TMEM201: variants seen among roughly 807,000 people sequenced by gnomAD.
TMEM201 encodes the protein RP13-15M17.2.
A neutral mutation model predicts 63.4 loss-of-function variants in TMEM201; 26 were observed. The observed-to-expected ratio is 0.41, with a 90% CI of 0.30 to 0.57. The LOEUF is 0.57. Ranked by LOEUF, TMEM201 falls within the 20% of genes least tolerant of loss-of-function variation. The pLI is 0.29. For synonymous variants in TMEM201, 417 were observed against 421.6 expected (o/e 0.99, Z 0.14); for missense variants, 794 against 917.7 (o/e 0.87, Z 1.74).
chr1:9,611,162 C>A, intron 9 of TMEM201: 1 of 855,940 alleles, frequency 1.2e-6, no homozygotes, highest in Non-Finnish European at 1.6e-6. Flanking sequence ...CCTTTAAAAC[C>A]TACAACTTTC....
intron 1 of TMEM201, among the ~76,000 whole-genome samples, chr1:9,590,238 C>T (rs1226069184): frequency 6.6e-6 from 1 of 152,136 alleles, no homozygotes; most frequent in Admixed American, 6.5e-5. Context: ...TGAGCATCTG[C>T]AGGACCAGCT....
chr1:9,612,480 C>T (rs955425032), intron 10 of TMEM201, among the ~76,000 whole-genome samples: 1 of 152,224 alleles, frequency 6.6e-6, no homozygotes, highest in Non-Finnish European at 1.5e-5. Flanking sequence ...GACAGATCAG[C>T]AAGCAGGGCT....
Position 9,589,009 on chromosome 1 carries a change from G to A in TMEM201, c.79G>A (p.Ala27Thr). Residue 27 changes from alanine to threonine, a missense_variant, in exon 1 of 11, where the codon GCG (alanine) becomes ACG (threonine). By Grantham distance (58) the Ala-to-Thr change is moderately conservative. Coordinates refer to ENST00000340381, the MANE Select transcript of TMEM201 (RefSeq NM_001130924.3). ...CGGCCTGGGGGTCACGGCGTGCGCC[G>A]CGGCCGGCGTGTTGCTCTACCGGAT... is the stretch of plus-strand genomic sequence containing the variant. Reference protein sequence around the residue: ...AGGLGVTACAAAGVLLYRIAR... With the variant: ...AGGLGVTACATAGVLLYRIAR... 3 of 1,176,600 alleles carry A rather than the reference G, an allele frequency of 2.5e-6. No homozygotes were observed. The highest frequency in any genetic ancestry group is 1.1e-6 in the Non-Finnish European group (1 of 946,882). The allele number at this position is 1,176,600 out of a possible 1,614,324, so 72.9% of individuals were successfully genotyped here. A position where few individuals can be genotyped will look rare whatever the true frequency, so the allele number is the denominator to read the frequency against.
At position 9,604,828 on chromosome 1, in the gene TMEM201, A is replaced by G; in HGVS notation, c.1160+2556A>G. 1 of 985,920 alleles carries G rather than the reference A, an allele frequency of 1.0e-6. No homozygotes were observed. Among genetic ancestry groups the G allele is most frequent in the Non-Finnish European group, 1.2e-6 (1 of 829,966 alleles). 61.1% of individuals were successfully genotyped at this position (985,920 alleles called of 1,614,324 possible). On this transcript the variant is annotated intron_variant, in intron 6 of 10. Transcript: ENST00000340381. This position sits in a 1 kb window ranked among gnomAD's most constrained non-coding sequence, Gnocchi z 4.1. Reference sequence around the variant, plus strand: ...GTGACTGTTGCTGAGTCTCTGTCTCATGTCGTAGAATTGTGGATAATTGTC... The same window carrying G: ...GTGACTGTTGCTGAGTCTCTGTCTCGTGTCGTAGAATTGTGGATAATTGTC...
chr1:9,609,442 G>A (rs1295743679), intron 7 of TMEM201, among the ~76,000 whole-genome samples: 1 of 152,214 alleles, frequency 6.6e-6, no homozygotes, highest in East Asian at 1.9e-4. Context: ...GAGAAAGTGG[G>A]ACTAGATGGC....
At chr1:9,592,493 G>A (rs1643937630) in intron 1 of TMEM201, among the ~76,000 whole-genome samples, 1 of 152,182 alleles carries the variant, frequency 6.6e-6, no homozygotes, top group Non-Finnish European at 1.5e-5. Context: ...CAGGGACCAA[G>A]CCCCATCCAG....
rs370144410 is a variant in TMEM201, at chr1:9,596,033, C to T, written c.234+23C>T. On this transcript the variant is annotated intron_variant, in intron 2 of 10. Transcript: ENST00000340381. ...GAGGTGTGGGTCACAGGCAGGCGGACGGGTGGGCACGCGGGGGTGGGGATC... is the reference window on the plus strand; with the variant it reads ...GAGGTGTGGGTCACAGGCAGGCGGATGGGTGGGCACGCGGGGGTGGGGATC... The T allele has an allele frequency of 5.2e-5, 83 of 1,607,422 alleles. No individual in the cohort carries two copies. In the African/African-American group the frequency reaches 7.6e-4, roughly 15 times the overall value.
Position 9,610,480 on chromosome 1 carries a change from C to A in TMEM201, c.1466-26C>A. 2 of 1,489,762 alleles carry A rather than the reference C, an allele frequency of 1.3e-6. No homozygotes were observed. The highest frequency in any genetic ancestry group is 9.0e-7 in the Non-Finnish European group (1 of 1,115,578). The allele number at this position is 1,489,762 out of a possible 1,614,324, so 92.3% of individuals were successfully genotyped here. On this transcript the variant is annotated intron_variant, in intron 8 of 10. Transcript: ENST00000340381. This position sits in a 1 kb window ranked among gnomAD's most constrained non-coding sequence, Gnocchi z 4.9. ...CGTTGCAGTGACAGGAGCCCACGTT[C>A]ACATCATCTTCCTCCCTCCCTCCAG... is the stretch of plus-strand genomic sequence containing the variant.
chr1:9,598,076 C>T (rs1205436123), intron 3 of TMEM201, among the ~76,000 whole-genome samples: 1 of 152,182 alleles, frequency 6.6e-6, no homozygotes. Context: ...TCCATCTGCC[C>T]CACTCCAGGC....
chr1:9,594,863 C>T (rs560276553), intron 1 of TMEM201, among the ~76,000 whole-genome samples: 7 of 152,382 alleles, frequency 4.6e-5, no homozygotes, highest in Admixed American at 1.3e-4. Context: ...CCTGGGGCTC[C>T]GTCCTCCTTT....
chr1:9,602,977 C>T, intron 6 of TMEM201: 2 of 985,576 alleles, frequency 2.0e-6, no homozygotes, highest in South Asian at 4.7e-5. Context: ...CCAGCCTGGC[C>T]TTCGCCATGA....
chr1:9,604,122 T>C lies in TMEM201; in HGVS notation c.1160+1850T>C, dbSNP rs1644200133. The C allele has an allele frequency of 1.0e-6, 1 of 985,336 alleles. No individual in the cohort carries two copies. Among genetic ancestry groups the C allele is most frequent in the South Asian group, 4.7e-5 (1 of 21,292 alleles). 61.0% of individuals were successfully genotyped at this position (985,336 alleles called of 1,614,324 possible). ...GGGAAAGCGTCCTGTCGGCTGGCCATGCTGTTGCTTGCGTCTCGAATCTTC... is the reference window on the plus strand; with the variant it reads ...GGGAAAGCGTCCTGTCGGCTGGCCACGCTGTTGCTTGCGTCTCGAATCTTC... On this transcript the variant is annotated intron_variant, in intron 6 of 10. Coordinates refer to ENST00000340381, the MANE Select transcript of TMEM201 (RefSeq NM_001130924.3). This position sits in a 1 kb window ranked among gnomAD's most constrained non-coding sequence, Gnocchi z 4.1.
rs567377963 is a variant in TMEM201, at chr1:9,607,375, C to G, written c.1161-182C>G. 2.0e-5 allele frequency among the ~76,000 whole-genome samples: 3 copies of G among 151,986 alleles called. No individual in the cohort carries two copies. The East Asian group carries it at 5.9e-4, about 30-fold the overall frequency. ...GTCTTGCTGGCACCTCCCAGCCACCCGCTCCTAATGGCGTGAATGTGGTCG... is the reference window on the plus strand; with the variant it reads ...GTCTTGCTGGCACCTCCCAGCCACCGGCTCCTAATGGCGTGAATGTGGTCG... On this transcript the variant is annotated intron_variant, in intron 6 of 10. Coordinates refer to ENST00000340381, the MANE Select transcript of TMEM201 (RefSeq NM_001130924.3). This position sits in a 1 kb window ranked among gnomAD's most constrained non-coding sequence, Gnocchi z 5.4.
intron 7 of TMEM201, 136 bp from the exon 8 acceptor site, chr1:9,609,704 C>A: frequency 1.2e-6 from 1 of 810,358 alleles, no homozygotes; most frequent in Non-Finnish European, 2.0e-6. Flanking sequence ...TCCGAGGAAT[C>A]CGTGAGCACC....
rs1411147014 is a variant in TMEM201 at position 9,598,900 on chromosome 1, T to C, written c.606+275T>C. On this transcript the variant is annotated intron_variant, in intron 4 of 10. Coordinates refer to ENST00000340381, the MANE Select transcript of TMEM201 (RefSeq NM_001130924.3). ...CCGATCTCTGGTGATCCGCCTGCCT[T>C]GGCCTCCCAAAGTTCTGGGATTACA... Among the ~76,000 whole-genome samples the C allele has an allele frequency of 2.0e-5, 3 of 152,086 alleles. No homozygotes were observed. In the East Asian group the frequency reaches 5.8e-4, roughly 29 times the overall value.
chr1:9,610,042 G>A lies in TMEM201; in HGVS notation c.1465+131G>A. ...GTGTTCACATCTCAGCCCTGGGCAA[G>A]TGACCTACACACCTGTGCCTCAGTT... On this transcript the variant is annotated intron_variant, in intron 8 of 10. Coordinates refer to ENST00000340381, the MANE Select transcript of TMEM201 (RefSeq NM_001130924.3). The surrounding 1 kb of genome is among the most constrained non-coding windows in gnomAD (Gnocchi z 4.9). 1.2e-6 allele frequency: 1 copy of A among 820,540 alleles called. No individual in the cohort carries two copies. Among genetic ancestry groups the A allele is most frequent in the Non-Finnish European group, 2.0e-6 (1 of 497,952 alleles). 50.8% of individuals were successfully genotyped at this position (820,540 alleles called of 1,614,324 possible).
At position 9,603,270 on chromosome 1, in the gene TMEM201, G is replaced by C. The variant is rs758224206; in HGVS notation, c.1160+998G>C. 5 of 984,834 alleles carry C rather than the reference G, an allele frequency of 5.1e-6. No individual in the cohort carries two copies. Among genetic ancestry groups the C allele is most frequent in the Non-Finnish European group, 6.0e-6 (5 of 829,372 alleles). The allele number at this position is 984,834 out of a possible 1,614,324, so 61.0% of individuals were successfully genotyped here. On this transcript the variant is annotated intron_variant, in intron 6 of 10. Transcript: ENST00000340381. This position sits in a 1 kb window ranked among gnomAD's most constrained non-coding sequence, Gnocchi z 4.5. ...CCCCTGCTGTTCTCAGCCTCAGTTT[G>C]CCATCTATGAAATGAGGTGGACCCC...
Position 9,610,875 on chromosome 1 carries a change from G to A in TMEM201, c.1765+70G>A. On this transcript the variant is annotated intron_variant, in intron 9 of 10. Coordinates refer to ENST00000340381, the MANE Select transcript of TMEM201 (RefSeq NM_001130924.3). The surrounding 1 kb of genome is among the most constrained non-coding windows in gnomAD (Gnocchi z 4.9). Reference sequence around the variant, plus strand: ...CTGCCAAGAGGCCTGGCTGTGCGGCGGTGGGGGGGCTCATCCTTGCTCTGA... The same window carrying A: ...CTGCCAAGAGGCCTGGCTGTGCGGCAGTGGGGGGGCTCATCCTTGCTCTGA... 8.7e-6 allele frequency: 13 copies of A among 1,491,728 alleles called. No homozygotes were observed. Among genetic ancestry groups the A allele is most frequent in the East Asian group, 2.5e-5 (1 of 40,300 alleles). 92.4% of individuals were successfully genotyped at this position (1,491,728 alleles called of 1,614,324 possible).
At position 9,601,289 on chromosome 1, in the gene TMEM201, C is replaced by G; in HGVS notation, c.791C>G (p.Thr264Ser). The G allele has an allele frequency of 6.2e-7, 1 of 1,610,458 alleles. No individual in the cohort carries two copies. The highest frequency in any genetic ancestry group is 1.1e-5 in the South Asian group (1 of 91,072). ...GGCTCAGCCACACCTGACAATGGCA[C>G]CACCCCTGGGGCCGAGGGCTGGCGG... ...GNGSATPDNGTTPGAEGWRQL... is the reference protein window; with the variant it reads ...GNGSATPDNGSTPGAEGWRQL... Residue 264 changes from threonine (T) to serine (S), a missense_variant, in exon 5 of 11, where the codon ACC (threonine) becomes AGC (serine). By Grantham distance (58) the Thr-to-Ser change is moderately conservative (BLOSUM62 1). Transcript: ENST00000340381.
Sources: allele counts gnomAD v4.1 joint callset (sites outside exome capture counted in the v4.1 genomes callset), GRCh38; gene constraint gnomAD v4.1.1; non-coding constraint Gnocchi (gnomAD v3.1); transcripts MANE v1.5; gene names NCBI Gene and HGNC (gene_info 2026-07-23, HGNC 2026-07-21).